Variants in DGKB observed in about 807,000 individuals in gnomAD.
The protein encoded by DGKB is diacylglycerol kinase beta.
DGKB carries 67 observed loss-of-function variants against 114.3 expected under a neutral mutation model. The ratio of observed to expected loss-of-function variants is 0.59; its 90% CI spans 0.48 to 0.72. DGKB has a LOEUF of 0.72. DGKB is among the 30% of genes least tolerant of loss of function. The pLI is 0.00. For synonymous variants in DGKB, 398 were observed against 323.1 expected (o/e 1.23, Z -2.49); for missense variants, 907 against 975.2 (o/e 0.93, Z 0.93).
chr7:14,623,925 G>C (rs1030104951), intron 14 of DGKB, among the ~76,000 whole-genome samples: 1 of 151,986 alleles, frequency 6.6e-6, no homozygotes, highest in African/African-American at 2.4e-5. Context: ...TTTATGCTTT[G>C]GCAAAATGGA....
chr7:14,716,285 C>T (rs955388807), intron 6 of DGKB, among the ~76,000 whole-genome samples: 1 of 152,166 alleles, frequency 6.6e-6, no homozygotes. Flanking sequence ...ATTTTCAGAT[C>T]CCACCCCAGG....
chr7:14,933,389 A>G (rs932520997), intron 1 of DGKB, among the ~76,000 whole-genome samples: 5 of 152,168 alleles, frequency 3.3e-5, no homozygotes, highest in African/African-American at 4.8e-5. Context: ...ATGGGCCTAT[A>G]AAAATTCTCC....
intron 20 of DGKB, among the ~76,000 whole-genome samples, chr7:14,567,384 T>TA (rs1563535127): frequency 5.7e-4 from 20 of 35,286 alleles, no homozygotes; most frequent in African/African-American, 1.1e-3. Flanking sequence ...TATTTATATA[T>TA]TATATATATA....
chr7:14,205,504 C>T (rs1027416982), intron 23 of DGKB, among the ~76,000 whole-genome samples: 1 of 151,852 alleles, frequency 6.6e-6, no homozygotes, highest in African/African-American at 2.4e-5. Context: ...TTGTTTGGCT[C>T]ATAACATATT....
intron 2 of DGKB, among the ~76,000 whole-genome samples, chr7:14,831,918 C>G (rs1846468283): frequency 6.6e-6 from 1 of 151,698 alleles, no homozygotes; most frequent in African/African-American, 2.4e-5. Context: ...CTCACATAGT[C>G]TCACCAAAGC....
At chr7:14,876,502 GC>G (rs1853310098) in intron 1 of DGKB, among the ~76,000 whole-genome samples, 1 of 152,164 alleles carries the variant, frequency 6.6e-6, no homozygotes, top group South Asian at 2.1e-4. Flanking sequence ...TTTGGAGCTC[GC>G]CTTTGCAGCA....
intron 13 of DGKB, among the ~76,000 whole-genome samples, chr7:14,635,840 A>G (rs1009142889): frequency 1.3e-5 from 2 of 151,596 alleles, no homozygotes; most frequent in Non-Finnish European, 3.0e-5. Flanking sequence ...ATTTCCTGTT[A>G]TGCCTATTTT....
intron 13 of DGKB, among the ~76,000 whole-genome samples, chr7:14,650,962 C>A (rs1814330895): frequency 6.6e-6 from 1 of 152,036 alleles, no homozygotes; most frequent in African/African-American, 2.4e-5. Flanking sequence ...AGTTGAATCT[C>A]TTAATAGACC....
At chr7:14,785,728 T>A (rs905335716) in intron 2 of DGKB, among the ~76,000 whole-genome samples, 1 of 152,132 alleles carries the variant, frequency 6.6e-6, no homozygotes, top group South Asian at 2.1e-4. Context: ...AAACATAACC[T>A]TGAAATACAC....
At chr7:14,474,722 T>C (rs891825423) in intron 21 of DGKB, among the ~76,000 whole-genome samples, 10 of 152,072 alleles carry the variant, frequency 6.6e-5, no homozygotes, top group Non-Finnish European at 1.3e-4. Flanking sequence ...ATGTGAATTA[T>C]GAATGTAAAT....
chr7:14,522,386 C>T (rs1789932854), intron 20 of DGKB, among the ~76,000 whole-genome samples: 1 of 152,084 alleles, frequency 6.6e-6, no homozygotes, highest in Admixed American at 6.6e-5. Flanking sequence ...CTTTGACTGT[C>T]CAACCTCCCA....
At chr7:14,255,972 A>C (rs1311590781) in intron 23 of DGKB, among the ~76,000 whole-genome samples, 8 of 152,196 alleles carry the variant, frequency 5.3e-5, no homozygotes, top group Non-Finnish European at 4.4e-5. Flanking sequence ...GAAGCTCATG[A>C]AATAATTCTA....
intron 23 of DGKB, among the ~76,000 whole-genome samples, chr7:14,267,613 C>T (rs38270): frequency 0.56 from 84,559 of 151,614 alleles, 26,265 homozygotes; most frequent in East Asian, 0.99. Context: ...CTCAGCCTCC[C>T]GAGTAGCTGG....
intron 23 of DGKB, among the ~76,000 whole-genome samples, chr7:14,198,751 T>C (rs781075714): frequency 5.9e-5 from 9 of 151,972 alleles, no homozygotes; most frequent in Non-Finnish European, 1.0e-4. Context: ...ATCCTAGATA[T>C]TGTAAGAAAA....
intron 2 of DGKB, among the ~76,000 whole-genome samples, chr7:14,800,974 G>T (rs1447551113): frequency 6.6e-6 from 1 of 152,150 alleles, no homozygotes; most frequent in Non-Finnish European, 1.5e-5. Context: ...GAAGAAGGTA[G>T]CTATAAACAC....
chr7:14,263,531 A>AAATCCT (rs1177893233), intron 23 of DGKB, among the ~76,000 whole-genome samples: 1 of 152,168 alleles, frequency 6.6e-6, no homozygotes, highest in Non-Finnish European at 1.5e-5. Flanking sequence ...CTTACATGCT[A>AAATCCT]TGCATGGCTA....
chr7:14,911,011 T>G (rs1314129344), intron 1 of DGKB, among the ~76,000 whole-genome samples: 1 of 152,130 alleles, frequency 6.6e-6, no homozygotes, highest in Non-Finnish European at 1.5e-5. Context: ...CTGCAATGTA[T>G]AGTATGTATC....
intron 17 of DGKB, among the ~76,000 whole-genome samples, chr7:14,584,724 T>A (rs1800475036): frequency 6.6e-6 from 1 of 152,004 alleles, no homozygotes; most frequent in Non-Finnish European, 1.5e-5. Flanking sequence ...AATGGTGCAA[T>A]CTCGACTCAC....
chr7:14,566,667 T>C (rs112354840), intron 20 of DGKB, among the ~76,000 whole-genome samples: 2 of 152,120 alleles, frequency 1.3e-5, no homozygotes, highest in East Asian at 1.9e-4. Context: ...CTTCGAGACA[T>C]GGTGGCAGCT....
Sources: allele counts gnomAD v4.1 joint callset (sites outside exome capture counted in the v4.1 genomes callset), GRCh38; gene constraint gnomAD v4.1.1; transcripts MANE v1.5; gene names NCBI Gene and HGNC (gene_info 2026-07-23, HGNC 2026-07-21).